The following MECOM variants were observed in gnomAD, a reference collection of about 807,000 sequenced individuals.
MECOM encodes MDS1 and EVI1 complex locus.
In MECOM, 13 loss-of-function variants were observed where a neutral mutation model predicts 116.3. That is an observed-to-expected ratio of 0.11 (90% CI 0.07 to 0.18). The LOEUF (loss-of-function observed/expected upper bound fraction) is 0.18, where lower values mean the gene tolerates loss of function less well. Ranked by LOEUF, MECOM falls within the 10% of genes least tolerant of loss-of-function variation. The pLI is 1.00. For synonymous variants in MECOM, 528 were observed against 535.2 expected, an observed-to-expected ratio of 0.99 and a Z score of 0.19; for missense variants, 1,299 against 1,509.0, an observed-to-expected ratio of 0.86 and a Z score of 2.31.
chr3:169,539,896 G>T (rs1012930920), intron 1 of MECOM, among the ~76,000 whole-genome samples: 3 of 152,104 alleles, frequency 2.0e-5, no homozygotes, highest in African/African-American at 7.2e-5. Flanking sequence ...TACATTAAGT[G>T]CTATGAAGAA....
At chr3:169,349,896 A>G (rs1726013185) in intron 2 of MECOM, among the ~76,000 whole-genome samples, 1 of 152,138 alleles carries the variant, frequency 6.6e-6, no homozygotes, top group East Asian at 1.9e-4. Context: ...ATGAAATGCA[A>G]GCCCTGCCAT....
At chr3:169,168,618 T>A (rs973881368) in intron 2 of MECOM, among the ~76,000 whole-genome samples, 32 of 152,136 alleles carry the variant, frequency 2.1e-4, no homozygotes, top group South Asian at 8.3e-4. Flanking sequence ...AATCTTTTTT[T>A]AAAAAAGAAA....
At chr3:169,172,702 T>C (rs1744618148) in intron 2 of MECOM, among the ~76,000 whole-genome samples, 1 of 152,152 alleles carries the variant, frequency 6.6e-6, no homozygotes, top group Non-Finnish European at 1.5e-5. Context: ...AAAGGACAAT[T>C]AGTCATGTTT....
chr3:169,145,336 C>T, intron 2 of MECOM: 1 of 327,040 alleles, frequency 3.1e-6, no homozygotes, highest in Non-Finnish European at 5.6e-6. Context: ...GTTTCTTCAA[C>T]TCTCAGTGCT....
chr3:169,263,124 T>TATAC (rs1757797316), intron 2 of MECOM, among the ~76,000 whole-genome samples: 3 of 60,976 alleles, frequency 4.9e-5, no homozygotes, highest in African/African-American at 1.9e-4. Context: ...TATATATATA[T>TATAC]ATATGTTTTT....
intron 7 of MECOM, among the ~76,000 whole-genome samples, chr3:169,119,475 G>A (rs1463495002): frequency 1.3e-5 from 2 of 152,160 alleles, no homozygotes; most frequent in African/African-American, 4.8e-5. Flanking sequence ...GCACTTTAAA[G>A]TGAAACACTT....
In MECOM at chr3:169,663,233, C is replaced by A. The variant is rs1369301781; in HGVS notation, c.37+103G>T. 12 of 1,395,144 alleles carry A rather than the reference C, an allele frequency of 8.6e-6. No homozygotes were observed. In the East Asian group the frequency reaches 2.3e-4, roughly 26 times the overall value. 86.4% of individuals were successfully genotyped at this position (1,395,144 alleles called of 1,614,324 possible). On this transcript the variant is annotated intron_variant, in intron 1 of 16. Transcript: ENST00000651503. ...TCCGCCTGCCCTCCACCCGGGGCCC[C>A]GGCGCAAGAGGCAGCCCGCGCTCCC...
At chr3:169,376,331 C>A (rs1447122176) in intron 2 of MECOM, among the ~76,000 whole-genome samples, 1 of 152,068 alleles carries the variant, frequency 6.6e-6, no homozygotes, top group Non-Finnish European at 1.5e-5. Flanking sequence ...CTAGCCAGGG[C>A]AATCAGGCAA....
chr3:169,272,435 T>C (rs1015991817), intron 2 of MECOM, among the ~76,000 whole-genome samples: 17 of 152,202 alleles, frequency 1.1e-4, no homozygotes, highest in African/African-American at 3.9e-4. Context: ...AAACTCAATG[T>C]AGCTTTCTTT....
intron 2 of MECOM, among the ~76,000 whole-genome samples, chr3:169,200,344 C>T (rs1417591187): frequency 1.3e-5 from 2 of 152,040 alleles, no homozygotes; most frequent in Non-Finnish European, 2.9e-5. Flanking sequence ...AGTCACTTTT[C>T]GTCTCTACAT....
At chr3:169,435,323 T>A (rs1742459311) in intron 1 of MECOM, among the ~76,000 whole-genome samples, 1 of 152,224 alleles carries the variant, frequency 6.6e-6, no homozygotes, top group African/African-American at 2.4e-5. Context: ...TGAATGATTT[T>A]CACCTCTGCC....
chr3:169,199,392 G>T (rs1748862558), intron 2 of MECOM, among the ~76,000 whole-genome samples: 1 of 151,938 alleles, frequency 6.6e-6, no homozygotes, highest in Admixed American at 6.6e-5. Flanking sequence ...GAGGAAACAT[G>T]TTAACTTCTT....
intron 2 of MECOM, among the ~76,000 whole-genome samples, chr3:169,378,577 AG>A (rs1346877722): frequency 1.2e-5 from 1 of 86,552 alleles, no homozygotes; most frequent in African/African-American, 4.0e-5. Context: ...AAAGAAAGAA[AG>A]AAAGAAAGTA....
rs186375679 is a variant in MECOM at position 169,382,964 on chromosome 3, T to C, written c.38-1440A>G. ...ACCACGAGTTAAGGATGATGCATCA[T>C]CCCTAACTCGTGCATCAAGTTGCTG... On this transcript the variant is annotated intron_variant, in intron 1 of 16. Coordinates refer to ENST00000651503, the MANE Select transcript of MECOM (RefSeq NM_004991.4). 1.6e-3 allele frequency among the ~76,000 whole-genome samples: 247 copies of C among 150,720 alleles called. 1 individual carries two copies. The highest frequency in any genetic ancestry group is 5.9e-3 in the African/African-American group (243 of 41,198).
At chr3:169,133,838 T>C (rs1275407765) in intron 3 of MECOM, 6 of 1,004,770 alleles carry the variant, frequency 6.0e-6, no homozygotes, top group Admixed American at 4.7e-5. Context: ...TAAATACTTA[T>C]AAGTACACTG....
At chr3:169,130,121 A>G (rs964819264) in intron 4 of MECOM, among the ~76,000 whole-genome samples, 1 of 152,216 alleles carries the variant, frequency 6.6e-6, no homozygotes, top group Admixed American at 6.5e-5. Context: ...AGAGTGTTGT[A>G]AAGGAAAGTA....
At chr3:169,479,986 T>C (rs1488649714) in intron 1 of MECOM, among the ~76,000 whole-genome samples, 2 of 152,222 alleles carry the variant, frequency 1.3e-5, no homozygotes, top group Non-Finnish European at 2.9e-5. Context: ...GAGGCCTGAA[T>C]GCTAATCCAT....
At chr3:169,097,382 C>G (rs1240574759) in intron 12 of MECOM, among the ~76,000 whole-genome samples, 1 of 152,068 alleles carries the variant, frequency 6.6e-6, no homozygotes, top group Non-Finnish European at 1.5e-5. Context: ...TCCTTCTACA[C>G]AATTCCAATA....
At chr3:169,124,918 GAATA>G (rs1344859337) in intron 5 of MECOM, among the ~76,000 whole-genome samples, 1 of 152,034 alleles carries the variant, frequency 6.6e-6, no homozygotes, top group African/African-American at 2.4e-5. Flanking sequence ...TGTGCACCTA[GAATA>G]AATTATCCAG....
Sources: gnomAD v4.1 joint callset for allele counts (sites outside exome capture counted in the v4.1 genomes callset) on GRCh38, gnomAD v4.1.1 for gene constraint, MANE v1.5 for transcripts, NCBI Gene and HGNC (gene_info 2026-07-23, HGNC 2026-07-21) for gene names.